EZR: variants seen among roughly 807,000 people sequenced by gnomAD.
EZR encodes the protein cytovillin 2.
EZR carries 40 observed loss-of-function variants against 74.8 expected under a neutral mutation model. That is an observed-to-expected ratio of 0.53 (90% CI 0.42 to 0.70). EZR has a LOEUF of 0.70. EZR is among the 30% of genes least tolerant of loss of function. The pLI, the probability that EZR is intolerant of heterozygous loss-of-function variation, is 0.00. For missense variants in EZR, 678 were observed against 755.8 expected, an observed-to-expected ratio of 0.90 and a Z score of 1.21; for synonymous variants, 341 against 283.3, an observed-to-expected ratio of 1.20 and a Z score of -2.05.
At chr6:158,768,879 C>T (rs1258100753) in intron 12 of EZR, among the ~76,000 whole-genome samples, 3 of 152,184 alleles carry the variant, frequency 2.0e-5, no homozygotes, top group East Asian at 1.9e-4. Context: ...AGCCTGGAGA[C>T]GTCCAAGGAG....
chr6:158,778,057 C>T (rs1791330475), intron 7 of EZR, among the ~76,000 whole-genome samples: 1 of 152,230 alleles, frequency 6.6e-6, no homozygotes, highest in African/African-American at 2.4e-5. Flanking sequence ...CAGCCTATGT[C>T]CTCCTTACAT....
chr6:158,796,423 G>A (rs942069836), intron 2 of EZR, among the ~76,000 whole-genome samples: 15 of 152,240 alleles, frequency 9.9e-5, no homozygotes, highest in Admixed American at 2.0e-4. Flanking sequence ...CAGGCCTGGC[G>A]GCAGGGGTGG....
At chr6:158,801,184 G>A (rs922773836) in intron 2 of EZR, among the ~76,000 whole-genome samples, 21 of 152,114 alleles carry the variant, frequency 1.4e-4, no homozygotes, top group African/African-American at 4.3e-4. Context: ...GCACAATCTC[G>A]GCTCACTGTA....
At chr6:158,795,521 G>T (rs958339654) in intron 2 of EZR, among the ~76,000 whole-genome samples, 4 of 152,130 alleles carry the variant, frequency 2.6e-5, no homozygotes, top group Non-Finnish European at 5.9e-5. Context: ...AATGTTCCAT[G>T]GCCACAGACT....
intron 2 of EZR, among the ~76,000 whole-genome samples, chr6:158,814,641 T>C (rs1777516420): frequency 6.6e-6 from 1 of 151,400 alleles, no homozygotes; most frequent in African/African-American, 2.4e-5. Flanking sequence ...CCTCCCAGGT[T>C]CAAGCGATTC....
At chr6:158,785,171 G>A (rs1791540535) in intron 5 of EZR, 138 bp downstream of exon 5, 4 of 1,084,590 alleles carry the variant, frequency 3.7e-6, no homozygotes, top group South Asian at 1.6e-5. Context: ...GCTGGTCAGT[G>A]ACTTAATGAC....
intron 2 of EZR, among the ~76,000 whole-genome samples, chr6:158,817,827 A>C (rs759047587): frequency 1.4e-4 from 21 of 152,166 alleles, no homozygotes; most frequent in Non-Finnish European, 2.9e-4. Flanking sequence ...GTTTTTAGAA[A>C]AGACCGTAAC....
chr6:158,803,260 C>A (rs1777227329), intron 2 of EZR, among the ~76,000 whole-genome samples: 1 of 151,284 alleles, frequency 6.6e-6, no homozygotes, highest in Non-Finnish European at 1.5e-5. Context: ...TTTTAAGTAG[C>A]CAATCAGAAT....
chr6:158,774,164 G>A (rs984317233), intron 8 of EZR, among the ~76,000 whole-genome samples: 1 of 152,166 alleles, frequency 6.6e-6, no homozygotes, highest in African/African-American at 2.4e-5. Flanking sequence ...AAAGTTCGAT[G>A]TCGAAAACTT....
intron 6 of EZR, among the ~76,000 whole-genome samples, chr6:158,784,080 C>T (rs1583567691): frequency 6.6e-6 from 1 of 152,182 alleles, no homozygotes; most frequent in East Asian, 1.9e-4. Flanking sequence ...CCCTGAAGCA[C>T]AAAATCTGAG....
chr6:158,784,952 G>A (rs1237554262), intron 5 of EZR, among the ~76,000 whole-genome samples: 1 of 152,182 alleles, frequency 6.6e-6, no homozygotes, highest in East Asian at 1.9e-4. Flanking sequence ...AAAACTAAGA[G>A]GTATTTTAAG....
At chr6:158,800,014 TA>T (rs1344756621) in intron 2 of EZR, among the ~76,000 whole-genome samples, 4 of 152,204 alleles carry the variant, frequency 2.6e-5, no homozygotes, top group African/African-American at 9.7e-5. Flanking sequence ...CTTTTTACAT[TA>T]TTATGGTTTC....
intron 2 of EZR, among the ~76,000 whole-genome samples, chr6:158,806,480 CTTTT>C (rs10706390): frequency 1.4e-5 from 2 of 141,226 alleles, no homozygotes; most frequent in Admixed American, 7.0e-5. Context: ...ACCACTTTCA[CTTTT>C]TTTTTTTTTT....
chr6:158,787,921 A>G (rs760321873), intron 3 of EZR, among the ~76,000 whole-genome samples: 5 of 152,310 alleles, frequency 3.3e-5, no homozygotes, highest in Non-Finnish European at 5.9e-5. Flanking sequence ...AGGAGTCCTG[A>G]GCTGCTTAGT....
chr6:158,784,684 G>A lies in EZR; in HGVS notation c.511C>T (p.Arg171Trp). ...HKLTRDQWED[R>W]IQVWHAEHRG... ...TGTTCCGCATGCCACACCTGGATCC[G>A]GTCCTCCCACTGGTCCCTGGTAAGT... Residue 171 changes from arginine to tryptophan, a missense_variant, in exon 6 of 14, where the codon CGG (arginine) becomes TGG (tryptophan). By Grantham distance (101) the Arg-to-Trp change is moderately radical. Coordinates refer to ENST00000367075, the MANE Select transcript of EZR (RefSeq NM_001111077.2). 6.2e-7 allele frequency: 1 copy of A among 1,614,130 alleles called. No individual in the cohort carries two copies. The highest frequency in any genetic ancestry group is 8.5e-7 in the Non-Finnish European group (1 of 1,180,030).
At position 158,772,134 on chromosome 6, in the gene EZR, T is replaced by C. The variant is rs117384213; in HGVS notation, c.796-727A>G. 4.7e-3 allele frequency among the ~76,000 whole-genome samples: 720 copies of C among 152,384 alleles called. 44 individuals are homozygous for C. The East Asian group carries it at 0.11, about 23-fold the overall frequency. On this transcript the variant is annotated intron_variant, in intron 8 of 13. Transcript: ENST00000367075. ...CACCAGCTACAGGTACTCGCCGCAG[T>C]GGCACTGTCACTTCACTCCAGTGAC...
chr6:158,819,067 G>A (rs1777632942), intron 1 of EZR, among the ~76,000 whole-genome samples: 1 of 152,106 alleles, frequency 6.6e-6, no homozygotes, highest in Non-Finnish European at 1.5e-5. Context: ...GCCGAGGGAC[G>A]GCGCCCAGGC....
chr6:158,774,672 AACACACACACACACACACAC>A (rs56400693), intron 8 of EZR, among the ~76,000 whole-genome samples: 26 of 142,516 alleles, frequency 1.8e-4, no homozygotes, highest in South Asian at 4.6e-4. Context: ...CTTATCATCA[AACACACACACACACACACAC>A]ACACACACAC....
At chr6:158,774,672 A>ACACACACACAC (rs1791216343) in intron 8 of EZR, among the ~76,000 whole-genome samples, 4 of 142,396 alleles carry the variant, frequency 2.8e-5, no homozygotes, top group Non-Finnish European at 6.0e-5. Context: ...CTTATCATCA[A>ACACACACACAC]ACACACACAC....
Sources: allele counts gnomAD v4.1 joint callset (sites outside exome capture counted in the v4.1 genomes callset), GRCh38; gene constraint gnomAD v4.1.1; transcripts MANE v1.5; gene names NCBI Gene and HGNC (gene_info 2026-07-23, HGNC 2026-07-21).